Variants in KIAA0232 observed in about 807,000 individuals in gnomAD.
KIAA0232 encodes KIAA0232.
In KIAA0232, 27 loss-of-function variants were observed where a neutral mutation model predicts 122.0. The observed-to-expected ratio is 0.22, with a 90% CI of 0.16 to 0.31. KIAA0232 has a LOEUF of 0.31. KIAA0232 is among the 10% of genes least tolerant of loss of function. KIAA0232 has a pLI of 1.00. For synonymous variants in KIAA0232, 613 were observed against 587.6 expected (o/e 1.04, Z -0.63); for missense variants, 1,551 against 1,634.2 (o/e 0.95, Z 0.88).
chr4:6,832,038 T>C (rs1052093685), intron 3 of KIAA0232, among the ~76,000 whole-genome samples: 2 of 152,224 alleles, frequency 1.3e-5, no homozygotes, highest in African/African-American at 4.8e-5. Flanking sequence ...CAGAAGGTGA[T>C]GTAGGTTTGG....
intron 3 of KIAA0232, among the ~76,000 whole-genome samples, chr4:6,829,340 G>A (rs751764115): frequency 2.0e-5 from 3 of 152,146 alleles, no homozygotes; most frequent in Non-Finnish European, 2.9e-5. Context: ...TAATGAATAA[G>A]CGATCTGTGC....
rs770405963 is a variant in KIAA0232, at chr4:6,861,281, G to T, written c.899G>T (p.Ser300Ile). Residue 300 changes from serine (S) to isoleucine (I), a missense_variant, in exon 7 of 10, where the codon AGT becomes ATT. Ser to Ile is a moderately radical substitution (Grantham distance 142). Coordinates refer to ENST00000307659, the MANE Select transcript of KIAA0232 (RefSeq NM_014743.3). ...TCCAGTGAAGCAGGCTCAAGTTCCA[G>T]TGGGAATCAGGGAGAATTAAAAGCA... Reference protein sequence around the residue: ...SGSSEAGSSSSGNQGELKASM... With the variant: ...SGSSEAGSSSIGNQGELKASM... 14 of 1,614,038 alleles carry T rather than the reference G, an allele frequency of 8.7e-6. No individual in the cohort carries two copies. Among genetic ancestry groups the T allele is most frequent in the African/African-American group, 8.0e-5 (6 of 74,930 alleles).
At chr4:6,822,443 GTCTT>G (rs1289053304) in intron 2 of KIAA0232, among the ~76,000 whole-genome samples, 1 of 152,126 alleles carries the variant, frequency 6.6e-6, no homozygotes, top group Non-Finnish European at 1.5e-5. Flanking sequence ...AATGGTATTT[GTCTT>G]TCTGACTTGA....
intron 2 of KIAA0232, among the ~76,000 whole-genome samples, chr4:6,818,718 AAAAAC>A (rs1718264546): frequency 6.6e-6 from 1 of 152,138 alleles, no homozygotes; most frequent in Non-Finnish European, 1.5e-5. Context: ...GGAAAAAAAA[AAAAAC>A]TATTACAAAA....
intron 1 of KIAA0232, among the ~76,000 whole-genome samples, chr4:6,784,903 AT>A (rs1290744372): frequency 6.6e-6 from 1 of 151,640 alleles, no homozygotes; most frequent in Non-Finnish European, 1.5e-5. Context: ...TTAGCTTGTT[AT>A]GCAAGTTGCA....
chr4:6,862,504 A>G lies in KIAA0232; in HGVS notation c.2122A>G (p.Thr708Ala). The change falls in exon 7 of 10, where the codon ACA becomes GCA. Residue 708 changes from threonine to alanine, a missense_variant. Thr to Ala is a moderately conservative substitution (Grantham distance 58). Transcript: ENST00000307659. ...EENEHCSNLSTRTCSPWSHSE... is the reference protein window; with the variant it reads ...EENEHCSNLSARTCSPWSHSE... Reference sequence around the variant, plus strand: ...AAATGAACACTGTTCTAATCTTTCAACAAGAACTTGTAGTCCATGGTCCCA... The same window carrying G: ...AAATGAACACTGTTCTAATCTTTCAGCAAGAACTTGTAGTCCATGGTCCCA... The G allele has an allele frequency of 1.2e-6, 2 of 1,613,958 alleles. No individual in the cohort carries two copies. Among genetic ancestry groups the G allele is most frequent in the Non-Finnish European group, 1.7e-6 (2 of 1,179,952 alleles).
In KIAA0232 at chr4:6,839,662, G is replaced by C. The variant is rs536621326; in HGVS notation, c.232-2405G>C. On this transcript the variant is annotated intron_variant, in intron 3 of 9. Transcript: ENST00000307659. ...AGGTCAGAAAAGAGTATGCTGAGGAGGGGGTAGTCGAAGGTCAGAGTGGGG... is the reference window on the plus strand; with the variant it reads ...AGGTCAGAAAAGAGTATGCTGAGGACGGGGTAGTCGAAGGTCAGAGTGGGG... Among the ~76,000 whole-genome samples the C allele has an allele frequency of 1.2e-4, 18 of 152,306 alleles. No homozygotes were observed. In the South Asian group the frequency reaches 3.5e-3, roughly 30 times the overall value.
intron 7 of KIAA0232, chr4:6,866,190 A>G (rs1008670362): frequency 2.0e-5 from 20 of 979,870 alleles, no homozygotes; most frequent in Non-Finnish European, 2.4e-5. Context: ...ACCTGGTTCC[A>G]GATTGGGAAG....
rs1383251658 is a variant in KIAA0232, at chr4:6,883,365, A to G, written c.*2399A>G. On this transcript the variant is annotated 3_prime_UTR_variant, in exon 10 of 10. Coordinates refer to ENST00000307659, the MANE Select transcript of KIAA0232 (RefSeq NM_014743.3). ...GTTAACACCAAATAAAAATTGTAAAAAACAGTTTGTTGTTTTTATTTCTCA... is the reference window on the plus strand; with the variant it reads ...GTTAACACCAAATAAAAATTGTAAAGAACAGTTTGTTGTTTTTATTTCTCA... The G allele has an allele frequency of 6.6e-6, 1 of 152,588 alleles. No individual in the cohort carries two copies. Among genetic ancestry groups the G allele is most frequent in the Non-Finnish European group, 1.5e-5 (1 of 68,030 alleles). 9.5% of individuals were successfully genotyped at this position (152,588 alleles called of 1,614,324 possible). A position where few individuals can be genotyped will look rare whatever the true frequency, so the allele number is the denominator to read the frequency against.
chr4:6,802,635 A>T (rs1717435296), intron 1 of KIAA0232, among the ~76,000 whole-genome samples: 1 of 149,156 alleles, frequency 6.7e-6, no homozygotes, highest in East Asian at 2.0e-4. Context: ...TTTTCTTCTG[A>T]TGGAAGTTGA....
rs916048605 is a variant in KIAA0232, at chr4:6,861,750, T to A, written c.1368T>A (p.His456Gln). The change falls in exon 7 of 10, where the codon CAT becomes CAA. Residue 456 changes from histidine (H) to glutamine (Q), a missense_variant. By Grantham distance (24) the His-to-Gln change is conservative. Coordinates refer to ENST00000307659, the MANE Select transcript of KIAA0232 (RefSeq NM_014743.3). ...TTTGTATCAGCAACAATAATCTTCA[T>A]AAAACATACCTCGCAGCAGGTACTT... ...HGLCISNNNLHKTYLAAGTFI... is the reference protein window; with the variant it reads ...HGLCISNNNLQKTYLAAGTFI... The A allele has an allele frequency of 8.1e-6, 13 of 1,614,206 alleles. No individual in the cohort carries two copies. Among genetic ancestry groups the A allele is most frequent in the Non-Finnish European group, 1.0e-5 (12 of 1,180,028 alleles).
In KIAA0232 at chr4:6,862,185, T is replaced by C; in HGVS notation, c.1803T>C (p.Ala601=). Residue 601 remains alanine (A), a synonymous_variant, in exon 7 of 10, where the codon GCT becomes GCC. Coordinates refer to ENST00000307659, the MANE Select transcript of KIAA0232 (RefSeq NM_014743.3). The stretch of plus-strand genomic sequence containing the variant: ...GCTGTTCATCCAGCTCCGGTGATGC[T>C]GATGGGGAGAGTTTTGGAGGAGACT... ...WECCSSSSGD[A]DGESFGGDSP... is the part of the protein sequence containing the mutation. The C allele has an allele frequency of 6.2e-7, 1 of 1,614,216 alleles. No individual in the cohort carries two copies. Among genetic ancestry groups the C allele is most frequent in the South Asian group, 1.1e-5 (1 of 91,076 alleles).
intron 1 of KIAA0232, among the ~76,000 whole-genome samples, chr4:6,793,591 C>T (rs908087677): frequency 6.6e-6 from 1 of 152,060 alleles, no homozygotes; most frequent in Non-Finnish European, 1.5e-5. Context: ...ATTCATCAGT[C>T]AGGTTCAATT....
chr4:6,863,393 G>A lies in KIAA0232; in HGVS notation c.3011G>A (p.Ser1004Asn). ...VSFEQNDQPKSGENGLNKGFS... is the reference protein window; with the variant it reads ...VSFEQNDQPKNGENGLNKGFS... ...TTTGAACAGAATGATCAGCCGAAGA[G>A]TGGGGAAAATGGGTTAAATAAGGGA... The change falls in exon 7 of 10, where the codon AGT becomes AAT. Residue 1004 changes from serine to asparagine, a missense_variant. Physicochemically the swap from Ser to Asn is conservative, Grantham distance 46. Around this residue, in one of 5 missense-constraint regions of KIAA0232, gnomAD observed 1,108 missense variants for 1,154.8 expected, o/e 0.96. Transcript: ENST00000307659. 1 of 1,614,188 alleles carries A rather than the reference G, an allele frequency of 6.2e-7. No individual in the cohort carries two copies.
chr4:6,861,027 T>A lies in KIAA0232; in HGVS notation c.645T>A (p.Ala215=), dbSNP rs1184114741. 5.0e-6 allele frequency: 8 copies of A among 1,614,060 alleles called. No individual in the cohort carries two copies. The highest frequency in any genetic ancestry group is 6.8e-6 in the Non-Finnish European group (8 of 1,180,026). Reference sequence around the variant, plus strand: ...CTTCATCATCCACAGCCCCACCAGCTAGCACAGATACTTCCTCTCCTAAGG... The same window carrying A: ...CTTCATCATCCACAGCCCCACCAGCAAGCACAGATACTTCCTCTCCTAAGG... The part of the protein sequence containing the change: ...SSSSSSTAPP[A]STDTSSPKDC... Residue 215 remains alanine (A), a synonymous_variant, in exon 7 of 10, where the codon GCT becomes GCA. Coordinates refer to ENST00000307659, the MANE Select transcript of KIAA0232 (RefSeq NM_014743.3).
intron 1 of KIAA0232, among the ~76,000 whole-genome samples, chr4:6,784,110 CAGG>C (rs1474037248): frequency 2.0e-5 from 3 of 151,778 alleles, no homozygotes; most frequent in Non-Finnish European, 2.9e-5. Flanking sequence ...CAGTTAAAAA[CAGG>C]AGGGAGATTC....
At chr4:6,818,358 C>T (rs970193049) in intron 2 of KIAA0232, among the ~76,000 whole-genome samples, 23 of 150,416 alleles carry the variant, frequency 1.5e-4, no homozygotes, top group Non-Finnish European at 1.8e-4. Context: ...CAAAGTTGCA[C>T]CACTGCACTT....
intron 4 of KIAA0232, among the ~76,000 whole-genome samples, chr4:6,845,493 C>A (rs1560189381): frequency 1.3e-5 from 2 of 152,040 alleles, no homozygotes; most frequent in Non-Finnish European, 2.9e-5. Flanking sequence ...CACGCCCAGC[C>A]AAAATGGTGT....
rs186003740 is a variant in KIAA0232 at position 6,784,114 on chromosome 4, A to C, written c.-354+1273A>C. On this transcript the variant is annotated intron_variant, in intron 1 of 9. Coordinates refer to ENST00000307659, the MANE Select transcript of KIAA0232 (RefSeq NM_014743.3). ...AAGATTTAACCCAGTTAAAAACAGGAGGGAGATTCAGCGGAGAGGAGGCAT... is the reference window on the plus strand; with the variant it reads ...AAGATTTAACCCAGTTAAAAACAGGCGGGAGATTCAGCGGAGAGGAGGCAT... Among the ~76,000 whole-genome samples, 23 of 151,986 alleles carry C rather than the reference A, an allele frequency of 1.5e-4. No homozygotes were observed. In the East Asian group the frequency reaches 4.4e-3, roughly 29 times the overall value.
Sources: allele counts gnomAD v4.1 joint callset (sites outside exome capture counted in the v4.1 genomes callset), GRCh38; gene constraint gnomAD v4.1.1; regional missense constraint gnomAD v4.1.1; transcripts MANE v1.5; gene names NCBI Gene and HGNC (gene_info 2026-07-23, HGNC 2026-07-21).